Variants in KALRN observed in about 807,000 individuals in gnomAD.
The protein encoded by KALRN is kalirin RhoGEF kinase, also known as kalirin.
A neutral mutation model predicts 353.7 loss-of-function variants in KALRN; 70 were observed. That is an observed-to-expected ratio of 0.20 (90% confidence interval 0.16 to 0.24). KALRN has a LOEUF of 0.24. Ranked by LOEUF, KALRN falls within the 10% of genes least tolerant of loss-of-function variation. The pLI is 1.00. For synonymous variants in KALRN, 1,391 were observed against 1,434.8 expected, an observed-to-expected ratio of 0.97 and a Z score of 0.69; for missense variants, 2,791 against 3,756.7, an observed-to-expected ratio of 0.74 and a Z score of 6.72.
chr3:124,592,320 A>G (rs912134373), intron 34 of KALRN, among the ~76,000 whole-genome samples: 4 of 151,748 alleles, frequency 2.6e-5, no homozygotes, highest in Admixed American at 6.6e-5. Flanking sequence ...AAAAAAAAAA[A>G]AAAAAAAAAG....
intron 16 of KALRN, among the ~76,000 whole-genome samples, chr3:124,432,419 C>CA (rs1264794308): frequency 1.3e-5 from 2 of 151,834 alleles, no homozygotes; most frequent in Non-Finnish European, 2.9e-5. Context: ...GTCTCAAAAA[C>CA]AAAAAAAGAA....
At chr3:124,584,984 G>T in intron 34 of KALRN, 1 of 1,500,104 alleles carries the variant, frequency 6.7e-7, no homozygotes, top group Admixed American at 2.1e-5. Context: ...GTGGTAGGGA[G>T]GGAAGGGTTG....
In KALRN at chr3:124,674,507, C is replaced by T; in HGVS notation, c.7086C>T (p.Tyr2362=). ...AVNQQNMCLV[Y]QPASDHSPAA... is the part of the protein sequence containing the mutation. The stretch of plus-strand genomic sequence containing the variant: ...ACCAGCAGAACATGTGTCTGGTGTA[C>T]CAGCCTGCCAGCGACCATTCCCCCG... Residue 2362 remains tyrosine, a synonymous_variant, in exon 49 of 60, where the codon TAC becomes TAT. Transcript: ENST00000682506. 2 of 1,613,922 alleles carry T rather than the reference C, an allele frequency of 1.2e-6. No homozygotes were observed. The highest frequency in any genetic ancestry group is 8.5e-7 in the Non-Finnish European group (1 of 1,179,950).
chr3:124,699,115 C>A (rs1382186973), intron 55 of KALRN, among the ~76,000 whole-genome samples: 1 of 152,188 alleles, frequency 6.6e-6, no homozygotes, highest in African/African-American at 2.4e-5. Flanking sequence ...ATTAAACAGG[C>A]CCTATGCAGT....
intron 51 of KALRN, among the ~76,000 whole-genome samples, chr3:124,683,915 C>T (rs1190262949): frequency 1.3e-5 from 2 of 152,212 alleles, no homozygotes; most frequent in Admixed American, 1.3e-4. Flanking sequence ...ACCTGGGAAA[C>T]ATTTAGTTAA....
At chr3:124,511,414 G>T (rs957034243) in intron 33 of KALRN, among the ~76,000 whole-genome samples, 7 of 152,156 alleles carry the variant, frequency 4.6e-5, no homozygotes, top group African/African-American at 1.7e-4. Flanking sequence ...TCCATCCACA[G>T]CTTTGTCTGT....
intron 1 of KALRN, among the ~76,000 whole-genome samples, chr3:124,077,576 G>A (rs1046193548): frequency 1.3e-5 from 2 of 152,054 alleles, no homozygotes; most frequent in African/African-American, 4.8e-5. Flanking sequence ...AATTGTCCCC[G>A]CTCTTCCTCT....
At position 124,482,815 on chromosome 3, in the gene KALRN, A is replaced by G; in HGVS notation, c.4199A>G (p.Gln1400Arg). 6.2e-7 allele frequency: 1 copy of G among 1,611,214 alleles called. No individual in the cohort carries two copies. The highest frequency in any genetic ancestry group is 8.5e-7 in the Non-Finnish European group (1 of 1,177,354). ...TTGTTCTCATCCCTGCAGGAGATAC[A>G]ACAGCGGCATGGTCTGGCCAACTCC... Reference protein sequence around the residue: ...EHAGTFFDEIQQRHGLANSIS... With the variant: ...EHAGTFFDEIRQRHGLANSIS... The change falls in exon 28 of 60, where the codon CAA (glutamine) becomes CGA (arginine). Residue 1400 changes from glutamine (Q) to arginine (R), a missense_variant. By Grantham distance (43) the Gln-to-Arg change is conservative (BLOSUM62 1). Coordinates refer to ENST00000682506, the MANE Select transcript of KALRN (RefSeq NM_001388419.1).
chr3:124,485,560 G>A (rs1399329162), intron 28 of KALRN, among the ~76,000 whole-genome samples: 3 of 152,292 alleles, frequency 2.0e-5, no homozygotes, highest in Middle Eastern at 3.4e-3. Context: ...TTGATTGTGA[G>A]GAAGTCATCA....
chr3:124,715,331 C>G (rs2063087615), intron 58 of KALRN, among the ~76,000 whole-genome samples: 1 of 152,110 alleles, frequency 6.6e-6, no homozygotes, highest in South Asian at 2.1e-4. Flanking sequence ...TAGGTGGTCA[C>G]CAGAATTGCT....
At chr3:124,576,126 T>G (rs1020361625) in intron 34 of KALRN, among the ~76,000 whole-genome samples, 1 of 151,664 alleles carries the variant, frequency 6.6e-6, no homozygotes, top group Non-Finnish European at 1.5e-5. Context: ...TTCCTTCTGC[T>G]TGAATGTCAC....
intron 57 of KALRN, among the ~76,000 whole-genome samples, chr3:124,708,703 A>T (rs1050471437): frequency 1.4e-4 from 22 of 152,194 alleles, no homozygotes. Flanking sequence ...TGATTGGTGC[A>T]GAAAAAATTT....
intron 1 of KALRN, among the ~76,000 whole-genome samples, chr3:124,179,671 G>A (rs1220074948): frequency 6.6e-6 from 1 of 152,222 alleles, no homozygotes; most frequent in Non-Finnish European, 1.5e-5. Flanking sequence ...AGTAATGTGT[G>A]TGTTGTGCTA....
In KALRN at chr3:124,724,371, C is replaced by G. The variant is rs774110448; in HGVS notation, c.*4901C>G. 6.6e-6 allele frequency: 1 copy of G among 152,118 alleles called. No individual in the cohort carries two copies. The highest frequency in any genetic ancestry group is 2.4e-5 in the African/African-American group (1 of 41,424). The allele number at this position is 152,118 out of a possible 1,614,324, so 9.4% of individuals were successfully genotyped here. ...AGGAATGTAGACCTTCTTCCTTTCTCTCCTGGGTCGCACCTCTGTGGAGTC... is the reference window on the plus strand; with the variant it reads ...AGGAATGTAGACCTTCTTCCTTTCTGTCCTGGGTCGCACCTCTGTGGAGTC... On this transcript the variant is annotated 3_prime_UTR_variant, in exon 60 of 60. Coordinates refer to ENST00000682506, the MANE Select transcript of KALRN (RefSeq NM_001388419.1).
chr3:124,606,735 T>TA (rs2077385916), intron 34 of KALRN, among the ~76,000 whole-genome samples: 1 of 152,100 alleles, frequency 6.6e-6, no homozygotes, highest in African/African-American at 2.4e-5. Flanking sequence ...GCCTAATAGA[T>TA]AAAAGATTAA....
At chr3:124,666,093 C>T (rs2085577366) in intron 45 of KALRN, among the ~76,000 whole-genome samples, 1 of 152,134 alleles carries the variant, frequency 6.6e-6, no homozygotes. Context: ...CTTGCAGCTC[C>T]AAGTGTCACC....
chr3:124,291,562 C>T (rs147722238), intron 5 of KALRN, among the ~76,000 whole-genome samples: 1 of 152,246 alleles, frequency 6.6e-6, no homozygotes, highest in Non-Finnish European at 1.5e-5. Flanking sequence ...AGAAATCCGA[C>T]CTGTTCTAGA....
chr3:124,594,970 A>T (rs560597422), intron 34 of KALRN, among the ~76,000 whole-genome samples: 1 of 151,424 alleles, frequency 6.6e-6, no homozygotes, highest in South Asian at 2.1e-4. Context: ...AAATTTTTTT[A>T]AAAATTTTAT....
chr3:124,350,064 C>G (rs2082687727), intron 10 of KALRN, among the ~76,000 whole-genome samples: 1 of 152,180 alleles, frequency 6.6e-6, no homozygotes, highest in African/African-American at 2.4e-5. Flanking sequence ...TAGCCCTGAC[C>G]CAGCTCAATC....
Sources: gnomAD v4.1 joint callset for allele counts (sites outside exome capture counted in the v4.1 genomes callset) on GRCh38, gnomAD v4.1.1 for gene constraint, MANE v1.5 for transcripts, NCBI Gene and HGNC (gene_info 2026-07-23, HGNC 2026-07-21) for gene names.